The following SUPT3H variants were observed in gnomAD, a reference collection of about 807,000 sequenced individuals.
The protein encoded by SUPT3H is transcription initiation protein SPT3 homolog.
A neutral mutation model predicts 44.3 loss-of-function variants in SUPT3H; 44 were observed. The ratio of observed to expected loss-of-function variants is 0.99; its 90% CI spans 0.78 to 1.28. SUPT3H has a LOEUF of 1.28. Ranked by LOEUF, SUPT3H falls within the 50% of genes most tolerant of loss-of-function variation. SUPT3H has a pLI of 0.00. For synonymous variants in SUPT3H, 124 were observed against 125.6 expected (o/e 0.99, Z 0.09); for missense variants, 380 against 387.1 (o/e 0.98, Z 0.15).
At chr6:45,264,750 T>A (rs1774973830) in intron 2 of SUPT3H, among the ~76,000 whole-genome samples, 5 of 151,712 alleles carry the variant, frequency 3.3e-5, no homozygotes. Context: ...ACTCTTATAA[T>A]ATTTGCTACC....
intron 2 of SUPT3H, among the ~76,000 whole-genome samples, chr6:45,236,279 C>T (rs1333435413): frequency 2.6e-5 from 4 of 152,068 alleles, no homozygotes; most frequent in Admixed American, 6.5e-5. Flanking sequence ...GAAAGGTCGC[C>T]GGGGCAATGG....
At chr6:44,890,168 A>G (rs1009172672) in intron 10 of SUPT3H, among the ~76,000 whole-genome samples, 6 of 150,674 alleles carry the variant, frequency 4.0e-5, no homozygotes, top group Admixed American at 3.3e-4. Flanking sequence ...GTGGGACTGT[A>G]AACTGGTTCA....
At chr6:45,091,285 T>C (rs1216540636) in intron 3 of SUPT3H, among the ~76,000 whole-genome samples, 1 of 152,022 alleles carries the variant, frequency 6.6e-6, no homozygotes, top group Admixed American at 6.5e-5. Flanking sequence ...CAAAAGAAGA[T>C]TGTGCTTACC....
At chr6:44,945,934 G>A (rs1359300369) in intron 9 of SUPT3H, among the ~76,000 whole-genome samples, 2 of 152,142 alleles carry the variant, frequency 1.3e-5, no homozygotes, top group Non-Finnish European at 2.9e-5. Context: ...ATCAATGCCT[G>A]GCTTCAAAGC....
intron 2 of SUPT3H, among the ~76,000 whole-genome samples, chr6:45,279,022 C>G (rs1777496615): frequency 6.6e-6 from 1 of 152,018 alleles, no homozygotes. Flanking sequence ...TTCATGAAAC[C>G]TAAAACTCCA....
chr6:45,175,747 G>T (rs1351023205), intron 2 of SUPT3H, among the ~76,000 whole-genome samples: 2 of 152,026 alleles, frequency 1.3e-5, no homozygotes, highest in Non-Finnish European at 2.9e-5. Flanking sequence ...TACGTATTAT[G>T]GAACCCAAAG....
chr6:44,944,783 A>AAAAAAAAAAAAAAAAAAAAAAAAAAC (rs1773062504), intron 9 of SUPT3H, among the ~76,000 whole-genome samples: 1 of 136,276 alleles, frequency 7.3e-6, no homozygotes, highest in African/African-American at 2.6e-5. Flanking sequence ...AAAAAAAAAA[A>AAAAAAAAAAAAAAAAAAAAAAAAAAC]AAGAAAAGAA....
chr6:44,928,886 A>ATAAATAAATAAATAAATAAATAAATAAAT (rs1474494728), intron 10 of SUPT3H, among the ~76,000 whole-genome samples: 1 of 122,654 alleles, frequency 8.2e-6, no homozygotes, highest in African/African-American at 3.2e-5. Flanking sequence ...CCGTCTCAAA[A>ATAAATAAATAAATAAATAAATAAATAAAT]AAAAAAAAAA....
At chr6:45,107,355 G>A (rs1162475529) in intron 2 of SUPT3H, among the ~76,000 whole-genome samples, 2 of 152,134 alleles carry the variant, frequency 1.3e-5, no homozygotes, top group African/African-American at 4.8e-5. Context: ...AGAAAAGAAT[G>A]TGGGGACAAG....
chr6:44,879,692 G>A (rs1214135475), intron 10 of SUPT3H, among the ~76,000 whole-genome samples: 1 of 152,200 alleles, frequency 6.6e-6, no homozygotes, highest in Non-Finnish European at 1.5e-5. Context: ...GCTGGCATCT[G>A]GCGGGTGCCC....
chr6:44,949,007 A>T (rs941029553), intron 9 of SUPT3H, among the ~76,000 whole-genome samples: 8 of 152,208 alleles, frequency 5.3e-5, no homozygotes, highest in South Asian at 2.1e-4. Context: ...TCCAACAATG[A>T]TAGACTGGAT....
At chr6:45,036,558 T>G (rs530875792) in intron 3 of SUPT3H, among the ~76,000 whole-genome samples, 26 of 152,250 alleles carry the variant, frequency 1.7e-4, no homozygotes, top group African/African-American at 6.3e-4. Flanking sequence ...AAAAGTTACA[T>G]TGCCATTTCA....
At chr6:45,319,511 G>A (rs1217448945) in intron 2 of SUPT3H, among the ~76,000 whole-genome samples, 7 of 152,218 alleles carry the variant, frequency 4.6e-5, no homozygotes, top group African/African-American at 1.7e-4. Flanking sequence ...AAAACCTTAA[G>A]TGTTAACAGG....
At chr6:45,276,891 G>C (rs1379723369) in intron 2 of SUPT3H, among the ~76,000 whole-genome samples, 2 of 152,142 alleles carry the variant, frequency 1.3e-5, no homozygotes, top group Admixed American at 6.6e-5. Context: ...ATAGATAACT[G>C]ATACAAGATA....
chr6:45,337,537 C>T (rs1788834767), intron 2 of SUPT3H, among the ~76,000 whole-genome samples: 1 of 151,778 alleles, frequency 6.6e-6, no homozygotes, highest in African/African-American at 2.4e-5. Context: ...AGTTCTTTTG[C>T]TACGCCATAA....
At chr6:45,014,435 A>G (rs1228985956) in intron 5 of SUPT3H, among the ~76,000 whole-genome samples, 1 of 152,138 alleles carries the variant, frequency 6.6e-6, no homozygotes, top group Non-Finnish European at 1.5e-5. Context: ...TTCCCTCCAC[A>G]TAAATGAGGA....
intron 2 of SUPT3H, among the ~76,000 whole-genome samples, chr6:45,342,634 T>C (rs546394906): frequency 6.6e-6 from 1 of 152,274 alleles, no homozygotes; most frequent in South Asian, 2.1e-4. Context: ...TAATATAAGG[T>C]TTACACAGTA....
intron 2 of SUPT3H, among the ~76,000 whole-genome samples, chr6:45,166,342 A>G (rs1275691884): frequency 6.6e-6 from 1 of 152,104 alleles, no homozygotes; most frequent in Non-Finnish European, 1.5e-5. Flanking sequence ...TAATCCTAGC[A>G]CTTTAGGAGG....
At chr6:45,051,270 T>C (rs1450391020) in intron 3 of SUPT3H, among the ~76,000 whole-genome samples, 1 of 152,008 alleles carries the variant, frequency 6.6e-6, no homozygotes, top group East Asian at 1.9e-4. Flanking sequence ...AAGACAGGTA[T>C]GTGGGCATAA....
Sources: gnomAD v4.1 joint callset for allele counts (sites outside exome capture counted in the v4.1 genomes callset) on GRCh38, gnomAD v4.1.1 for gene constraint, MANE v1.5 for transcripts, NCBI Gene and HGNC (gene_info 2026-07-23, HGNC 2026-07-21) for gene names.